HLCS: variants seen among roughly 807,000 people sequenced by gnomAD.
The protein encoded by HLCS is biotin--protein ligase.
A neutral mutation model predicts 75.0 loss-of-function variants in HLCS; 53 were observed. The ratio of observed to expected loss-of-function variants is 0.71; its 90% confidence interval spans 0.57 to 0.89. The LOEUF (loss-of-function observed/expected upper bound fraction) is 0.89. Among genes scored for constraint, HLCS ranks in the 40% least tolerant of loss-of-function variants. The probability of loss-of-function intolerance (pLI) is 0.00; values close to 1 mark genes in which losing one functional copy is unlikely to be tolerated. For synonymous variants in HLCS, 431 were observed against 428.6 expected, an observed-to-expected ratio of 1.01 and a Z score of -0.07; for missense variants, 966 against 1,074.0, an observed-to-expected ratio of 0.90 and a Z score of 1.41.
At chr21:36,898,613 G>T (rs1049631039) in intron 5 of HLCS, among the ~76,000 whole-genome samples, 1 of 152,006 alleles carries the variant, frequency 6.6e-6, no homozygotes, top group African/African-American at 2.4e-5. Context: ...AGATTAGAAG[G>T]GGCTTAAAAG....
In HLCS at chr21:36,756,662, G is replaced by A. The variant is rs183302013; in HGVS notation, c.2330C>T (p.Pro777Leu). The change falls in exon 10 of 11, where the codon CCC becomes CTC. Residue 777 changes from proline (P) to leucine (L), a missense_variant. Coordinates refer to ENST00000674895, the MANE Select transcript of HLCS (RefSeq NM_001352514.2). The part of the protein sequence containing the change: ...YNKQHKAELK[P>L]LRADYLIARV... ...GGCGATGAGATAATCGGCTCTTAAG[G>A]GCTTCAGTTCTGCCTTGTGTTGTTT... 1.2e-5 allele frequency: 20 copies of A among 1,614,046 alleles called. No homozygotes were observed. Among genetic ancestry groups the A allele is most frequent in the Middle Eastern group, 1.6e-4 (1 of 6,062 alleles).
chr21:36,783,459 T>C (rs1173484622), intron 6 of HLCS, among the ~76,000 whole-genome samples: 1 of 152,200 alleles, frequency 6.6e-6, no homozygotes, highest in African/African-American at 2.4e-5. Context: ...CTTCAATGAT[T>C]GAAATGAAGC....
intron 6 of HLCS, among the ~76,000 whole-genome samples, chr21:36,830,300 T>C (rs554168173): frequency 6.6e-6 from 1 of 152,290 alleles, no homozygotes; most frequent in African/African-American, 2.4e-5. Context: ...CTGTGGTACT[T>C]TGTCCCAGCA....
rs548055023 is a variant in HLCS, at chr21:36,989,996, G to A, written c.-393+162C>T. Among the ~76,000 whole-genome samples, 267 of 152,208 alleles carry A rather than the reference G, an allele frequency of 1.8e-3. 2 individuals are homozygous for A. The highest frequency in any genetic ancestry group is 6.2e-3 in the African/African-American group (259 of 41,564). ...AAGCCCCGCCCCCTTCTGGCAGCTGGAGGCGGCTTTCCGGCCGTCCCGGCT... is the reference window on the plus strand; with the variant it reads ...AAGCCCCGCCCCCTTCTGGCAGCTGAAGGCGGCTTTCCGGCCGTCCCGGCT... On this transcript the variant is annotated intron_variant, in intron 1 of 11. Transcript: ENST00000336648.
intron 6 of HLCS, among the ~76,000 whole-genome samples, chr21:36,792,457 G>C (rs566412449): frequency 1.0e-4 from 15 of 150,198 alleles, no homozygotes; most frequent in African/African-American, 2.0e-4. Flanking sequence ...AAAGGAGAAG[G>C]GGGGGAGGGA....
At chr21:36,951,713 A>C (rs2067677888) in intron 2 of HLCS, among the ~76,000 whole-genome samples, 1 of 152,236 alleles carries the variant, frequency 6.6e-6, no homozygotes, top group African/African-American at 2.4e-5. Flanking sequence ...GATCAAGTAC[A>C]AGGAACATAA....
At chr21:36,797,430 T>A (rs1325578403) in intron 6 of HLCS, among the ~76,000 whole-genome samples, 2 of 152,026 alleles carry the variant, frequency 1.3e-5, no homozygotes, top group Non-Finnish European at 2.9e-5. Context: ...AAAAATATAA[T>A]TTTTCTCCTA....
intron 6 of HLCS, among the ~76,000 whole-genome samples, chr21:36,811,102 T>C (rs1464376764): frequency 6.6e-6 from 1 of 152,242 alleles, no homozygotes; most frequent in Non-Finnish European, 1.5e-5. Flanking sequence ...CTACACATTA[T>C]GAAATTACTA....
chr21:36,899,181 A>G (rs1023461672), intron 5 of HLCS, among the ~76,000 whole-genome samples: 14 of 152,300 alleles, frequency 9.2e-5, no homozygotes, highest in African/African-American at 2.9e-4. Flanking sequence ...AAATGTTGAT[A>G]ATTATTCAAC....
At position 36,772,329 on chromosome 21, in the gene HLCS, G is replaced by A. The variant is rs570673020; in HGVS notation, c.1893-5044C>T. Among the ~76,000 whole-genome samples, 20 of 152,064 alleles carry A rather than the reference G, an allele frequency of 1.3e-4. No individual in the cohort carries two copies. The East Asian group carries it at 3.9e-3, about 29-fold the overall frequency. On this transcript the variant is annotated intron_variant, in intron 6 of 10. Coordinates refer to ENST00000674895, the MANE Select transcript of HLCS (RefSeq NM_001352514.2). The stretch of plus-strand genomic sequence containing the variant: ...TCGTAGAATGATTCTCTTTATATAC[G>A]ATATGTATTTATAGAAAAATACAGG...
Position 36,754,046 on chromosome 21 carries a change from T to C in HLCS, c.*200A>G. ...GCTTTCCCTAAACTAAATTTTCTAC[T>C]TCTTAACCATCTATCCCAGAGCCTC... On this transcript the variant is annotated 3_prime_UTR_variant, in exon 11 of 11. Coordinates refer to ENST00000674895, the MANE Select transcript of HLCS (RefSeq NM_001352514.2). 1 of 639,688 alleles carries C rather than the reference T, an allele frequency of 1.6e-6. No individual in the cohort carries two copies. The highest frequency in any genetic ancestry group is 2.0e-5 in the South Asian group (1 of 50,526). The allele number at this position is 639,688 out of a possible 1,614,324, so 39.6% of individuals were successfully genotyped here.
At chr21:36,762,107 T>A (rs1198267022) in intron 8 of HLCS, among the ~76,000 whole-genome samples, 1 of 152,128 alleles carries the variant, frequency 6.6e-6, no homozygotes, top group Non-Finnish European at 1.5e-5. Flanking sequence ...TCCTCCCACA[T>A]AAAAAAAGAC....
intron 2 of HLCS, among the ~76,000 whole-genome samples, chr21:36,940,444 T>C (rs185218312): frequency 2.0e-4 from 31 of 152,318 alleles, no homozygotes; most frequent in Non-Finnish European, 3.5e-4. Flanking sequence ...CCCGAGTAGC[T>C]GGGACAACAG....
chr21:36,758,394 C>G (rs1381842026), intron 9 of HLCS, among the ~76,000 whole-genome samples: 1 of 152,144 alleles, frequency 6.6e-6, no homozygotes, highest in African/African-American at 2.4e-5. Flanking sequence ...AGGCATTGAG[C>G]CACCACACCT....
Position 36,851,485 on chromosome 21 carries a change from T to C in HLCS, c.1892+45375A>G, listed in dbSNP as rs139776576. Among the ~76,000 whole-genome samples the C allele has an allele frequency of 2.3e-3, 350 of 152,210 alleles. 3 individuals are homozygous for C. Among genetic ancestry groups the C allele is most frequent in the African/African-American group, 7.8e-3 (325 of 41,530 alleles). ...GTGTGGGAGCTAAAAATTAAAACACTGAACTCATGTTGATGGATGGTCATC... is the reference window on the plus strand; with the variant it reads ...GTGTGGGAGCTAAAAATTAAAACACCGAACTCATGTTGATGGATGGTCATC... On this transcript the variant is annotated intron_variant, in intron 6 of 10. Transcript: ENST00000674895.
At position 36,769,664 on chromosome 21, in the gene HLCS, T is replaced by G. The variant is rs79275527; in HGVS notation, c.1893-2379A>C. 4.5e-3 allele frequency among the ~76,000 whole-genome samples: 679 copies of G among 152,344 alleles called. 2 individuals carry two copies. The highest frequency in any genetic ancestry group is 0.016 in the African/African-American group (646 of 41,576). On this transcript the variant is annotated intron_variant, in intron 6 of 10. Coordinates refer to ENST00000674895, the MANE Select transcript of HLCS (RefSeq NM_001352514.2). Reference sequence around the variant, plus strand: ...GGAAAAGCGCTCTGTTTTGTACTCTTGTGTTGAGTCTGAAACATTTGGAGC... The same window carrying G: ...GGAAAAGCGCTCTGTTTTGTACTCTGGTGTTGAGTCTGAAACATTTGGAGC...
intron 5 of HLCS, among the ~76,000 whole-genome samples, chr21:36,924,922 C>A (rs1260984708): frequency 6.6e-6 from 1 of 152,032 alleles, no homozygotes; most frequent in African/African-American, 2.4e-5. Context: ...AGCTCCATCT[C>A]AGTATGTTCA....
intron 1 of HLCS, among the ~76,000 whole-genome samples, chr21:36,963,609 G>A (rs545739913): frequency 7.2e-5 from 11 of 152,024 alleles, no homozygotes; most frequent in African/African-American, 1.4e-4. Context: ...AAAATTAGCC[G>A]GGCATGGTGG....
intron 1 of HLCS, among the ~76,000 whole-genome samples, chr21:36,986,019 T>C (rs1023987154): frequency 6.6e-6 from 1 of 152,164 alleles, no homozygotes; most frequent in Non-Finnish European, 1.5e-5. Flanking sequence ...CCCAGTGCTA[T>C]GGTTTGAATG....
Sources: gnomAD v4.1 joint callset for allele counts (sites outside exome capture counted in the v4.1 genomes callset) on GRCh38, gnomAD v4.1.1 for gene constraint, MANE v1.5 for transcripts, NCBI Gene and HGNC (gene_info 2026-07-23, HGNC 2026-07-21) for gene names.